The following ASCC3 variants were observed in gnomAD, a reference collection of about 807,000 sequenced individuals.
ASCC3 encodes the protein ASC-1 complex subunit P200.
A neutral mutation model predicts 256.3 loss-of-function variants in ASCC3; 158 were observed. The ratio of observed to expected loss-of-function variants is 0.62; its 90% confidence interval spans 0.54 to 0.70. The LOEUF is 0.70. ASCC3 is among the 30% of genes least tolerant of loss of function. ASCC3 has a pLI of 0.00. For missense variants in ASCC3, 2,259 were observed against 2,626.0 expected (o/e 0.86, Z 3.05); for synonymous variants, 948 against 883.4 (o/e 1.07, Z -1.30).
intron 15 of ASCC3, 71 bp downstream of exon 15, chr6:100,662,274 A>G (rs770411624): frequency 1.1e-5 from 16 of 1,464,412 alleles, no homozygotes; most frequent in Admixed American, 4.3e-5. Context: ...ATATTTTTCT[A>G]TGTAAGTCAA....
Position 100,679,699 on chromosome 6 carries a change from T to G in ASCC3, c.2205A>C (p.Leu735=). Residue 735 remains leucine, a synonymous_variant, in exon 14 of 42, where the codon CTA becomes CTC. Transcript: ENST00000369162. ...RNATVRTAMS[L]IERAKNCGHI... ...GGCCACAATTTTTTGCTCTTTCTAT[T>G]AGAGACATAGCTGTTCTTACAGTGG... 1 of 1,613,676 alleles carries G rather than the reference T, an allele frequency of 6.2e-7. No homozygotes were observed.
intron 10 of ASCC3, among the ~76,000 whole-genome samples, chr6:100,760,137 C>T (rs1186794500): frequency 6.6e-6 from 1 of 151,950 alleles, no homozygotes; most frequent in Non-Finnish European, 1.5e-5. Flanking sequence ...TATTTGAATA[C>T]CAATTTCTTT....
chr6:100,557,003 ATGGT>A (rs1769613333), intron 36 of ASCC3, among the ~76,000 whole-genome samples: 1 of 151,820 alleles, frequency 6.6e-6, no homozygotes, highest in African/African-American at 2.4e-5. Flanking sequence ...ACATAGAACA[ATGGT>A]AGGACTCCTC....
intron 32 of ASCC3, among the ~76,000 whole-genome samples, chr6:100,606,483 A>G (rs1418175198): frequency 4.6e-5 from 7 of 152,224 alleles, no homozygotes; most frequent in Non-Finnish European, 1.0e-4. Flanking sequence ...TTTGAAACCA[A>G]CTTTGGATGG....
chr6:100,628,640 T>TC (rs1457254015), intron 27 of ASCC3, among the ~76,000 whole-genome samples: 1 of 152,040 alleles, frequency 6.6e-6, no homozygotes, highest in Non-Finnish European at 1.5e-5. Context: ...TGCTTTGCCT[T>TC]CAGTCATGAT....
intron 37 of ASCC3, among the ~76,000 whole-genome samples, chr6:100,520,252 T>C (rs982538715): frequency 6.6e-6 from 1 of 152,156 alleles, no homozygotes; most frequent in African/African-American, 2.4e-5. Context: ...GGTTTTACAC[T>C]GTGTAGGGGA....
At chr6:100,865,713 T>C (rs1050888241) in intron 2 of ASCC3, among the ~76,000 whole-genome samples, 1 of 152,126 alleles carries the variant, frequency 6.6e-6, no homozygotes, top group East Asian at 1.9e-4. Context: ...CATTCTACAA[T>C]AGATTCAAAT....
intron 13 of ASCC3, among the ~76,000 whole-genome samples, chr6:100,702,263 T>C (rs72610821): frequency 0.073 from 11,148 of 152,014 alleles, 934 homozygotes; most frequent in East Asian, 0.31. Flanking sequence ...GGAGGTAAAC[T>C]AGATAGGCAT....
At chr6:100,551,017 C>A (rs1562112291) in intron 36 of ASCC3, among the ~76,000 whole-genome samples, 1 of 151,924 alleles carries the variant, frequency 6.6e-6, no homozygotes, top group African/African-American at 2.4e-5. Context: ...ATGTAGTTAT[C>A]CAGACAGTCA....
intron 30 of ASCC3, among the ~76,000 whole-genome samples, chr6:100,618,222 G>T (rs1773765539): frequency 6.6e-6 from 1 of 152,160 alleles, no homozygotes; most frequent in African/African-American, 2.4e-5. Flanking sequence ...CATAAACTGA[G>T]TATTTCACTG....
At chr6:100,858,872 T>G (rs948836778) in intron 3 of ASCC3, 1 of 479,642 alleles carries the variant, frequency 2.1e-6, no homozygotes, top group Non-Finnish European at 3.6e-6. Context: ...TTTTTTCTGA[T>G]TCAAGAGTCA....
At chr6:100,704,731 T>C (rs1312278201) in intron 13 of ASCC3, among the ~76,000 whole-genome samples, 2 of 152,148 alleles carry the variant, frequency 1.3e-5, no homozygotes, top group Non-Finnish European at 2.9e-5. Flanking sequence ...AATCCAAGGT[T>C]GAAGAAGACT....
intron 4 of ASCC3, among the ~76,000 whole-genome samples, chr6:100,846,694 C>G (rs777888322): frequency 6.6e-6 from 1 of 152,170 alleles, no homozygotes. Context: ...TGCTCCCTAC[C>G]TTTCTGGTCC....
At chr6:100,729,120 C>T (rs1246168471) in intron 10 of ASCC3, among the ~76,000 whole-genome samples, 1 of 152,040 alleles carries the variant, frequency 6.6e-6, no homozygotes, top group South Asian at 2.1e-4. Flanking sequence ...CACTGAAAGA[C>T]TGGTACTTTA....
intron 1 of ASCC3, among the ~76,000 whole-genome samples, chr6:100,880,114 A>T (rs1769221137): frequency 6.6e-6 from 1 of 152,216 alleles, no homozygotes; most frequent in African/African-American, 2.4e-5. Flanking sequence ...TGAAAAATTA[A>T]TTTCTCATAT....
intron 37 of ASCC3, among the ~76,000 whole-genome samples, chr6:100,529,583 G>T (rs1384386492): frequency 6.6e-6 from 1 of 151,832 alleles, no homozygotes; most frequent in Non-Finnish European, 1.5e-5. Context: ...GAAAAACAGG[G>T]ATTAAAAATA....
In ASCC3 at chr6:100,732,446, G is replaced by T. The variant is rs1022571480; in HGVS notation, c.1738-6743C>A. Among the ~76,000 whole-genome samples the T allele has an allele frequency of 8.5e-5, 13 of 152,098 alleles. 1 individual carries two copies. Among genetic ancestry groups the T allele is most frequent in the Admixed American group, 3.9e-4 (6 of 15,260 alleles). On this transcript the variant is annotated intron_variant, in intron 10 of 41. Coordinates refer to ENST00000369162, the MANE Select transcript of ASCC3 (RefSeq NM_006828.4). Reference sequence around the variant, plus strand: ...ATCAACAAATTACAGTAAGATAAAGGCTACTGAAAATGACCGTTAATTAAG... The same window carrying T: ...ATCAACAAATTACAGTAAGATAAAGTCTACTGAAAATGACCGTTAATTAAG...
chr6:100,552,465 A>G (rs1203324706), intron 36 of ASCC3, among the ~76,000 whole-genome samples: 1 of 152,054 alleles, frequency 6.6e-6, no homozygotes, highest in African/African-American at 2.4e-5. Context: ...TGAAAGACCA[A>G]TATGTGCTTG....
chr6:100,702,603 G>T (rs1240619715), intron 13 of ASCC3, among the ~76,000 whole-genome samples: 2 of 152,056 alleles, frequency 1.3e-5, no homozygotes, highest in Non-Finnish European at 2.9e-5. Context: ...TTTATAAAGG[G>T]TCTAAGGCCA....
Sources: gnomAD v4.1 joint callset for allele counts (sites outside exome capture counted in the v4.1 genomes callset) on GRCh38, gnomAD v4.1.1 for gene constraint, MANE v1.5 for transcripts, NCBI Gene and HGNC (gene_info 2026-07-23, HGNC 2026-07-21) for gene names.